The following NPFFR1 variants were observed in gnomAD, a reference collection of about 807,000 sequenced individuals.
NPFFR1 encodes the protein G-protein coupled receptor 147.
In NPFFR1, 17 loss-of-function variants were observed where a neutral mutation model predicts 12.7. The ratio of observed to expected loss-of-function variants is 1.34; its 90% CI spans 0.92 to 2.01. The LOEUF (loss-of-function observed/expected upper bound fraction) is 2.01, where lower values mean the gene tolerates loss of function less well. Among genes scored for constraint, NPFFR1 ranks in the 30% most tolerant of loss-of-function variants. The probability of loss-of-function intolerance (pLI) is 0.00; values close to 1 mark genes in which losing one functional copy is unlikely to be tolerated. For missense variants in NPFFR1, 604 were observed against 606.5 expected (o/e 1.00, Z 0.04); for synonymous variants, 296 against 264.5 (o/e 1.12, Z -1.16).
intron 1 of NPFFR1, among the ~76,000 whole-genome samples, chr10:70,272,244 G>GAAAGAAATAAAGAAAGA (rs60571634): frequency 3.1e-5 from 2 of 64,404 alleles, no homozygotes; most frequent in Non-Finnish European, 6.2e-5. Context: ...AAGAAAGAAA[G>GAAAGAAATAAAGAAAGA]AAGAAAGAAG....
At position 70,255,294 on chromosome 10, in the gene NPFFR1, A is replaced by G. The variant is rs1213733932; in HGVS notation, c.956T>C (p.Phe319Ser). The change falls in exon 4 of 4, where the codon TTC becomes TCC. Residue 319 changes from phenylalanine to serine, a missense_variant. Phe to Ser is a radical substitution (Grantham distance 155, BLOSUM62 -2). Transcript: ENST00000277942. The surrounding 1 kb of genome is among the most constrained non-coding windows in gnomAD (Gnocchi z 4.2). ...YAFPFAHWLA[F>S]FNSSANPIIY... ...GATGGGGTTGGCGCTGCTGTTGAAG[A>G]AGGCCAGCCAGTGCGCGAAGGGGAA... is the stretch of plus-strand genomic sequence containing the variant. The G allele has an allele frequency of 1.3e-6, 2 of 1,582,424 alleles. No individual in the cohort carries two copies. Among genetic ancestry groups the G allele is most frequent in the South Asian group, 1.1e-5 (1 of 87,216 alleles).
intron 1 of NPFFR1, among the ~76,000 whole-genome samples, chr10:70,281,479 C>T (rs138458022): frequency 6.6e-6 from 1 of 152,298 alleles, no homozygotes; most frequent in East Asian, 1.9e-4. Context: ...GGCATCATCT[C>T]CCAAATAGAC....
Position 70,283,743 on chromosome 10 carries a change from G to C in NPFFR1, c.-67C>G. 1.3e-6 allele frequency: 2 copies of C among 1,512,690 alleles called. No homozygotes were observed. Among genetic ancestry groups the C allele is most frequent in the Non-Finnish European group, 1.8e-6 (2 of 1,127,372 alleles). The allele number at this position is 1,512,690 out of a possible 1,614,324, so 93.7% of individuals were successfully genotyped here. A position where few individuals can be genotyped will look rare whatever the true frequency, so the allele number is the denominator to read the frequency against. On this transcript the variant is annotated 5_prime_UTR_variant, in exon 1 of 4. Coordinates refer to ENST00000277942, the MANE Select transcript of NPFFR1 (RefSeq NM_022146.5). ...AGGCAGCGGGCCCCTTCGGGCCAGC[G>C]GGCAGAGGGACGGTCTCCGGGCACT...
chr10:70,283,550 A>AG, intron 1 of NPFFR1, 120 bp downstream of exon 1: 1 of 1,006,228 alleles, frequency 9.9e-7, no homozygotes. Context: ...AGAGTGTCAC[A>AG]ACGTCTGGCT....
intron 1 of NPFFR1, among the ~76,000 whole-genome samples, chr10:70,279,306 C>G (rs1717227775): frequency 6.6e-6 from 1 of 151,158 alleles, no homozygotes; most frequent in South Asian, 2.1e-4. Flanking sequence ...ACCACCACAC[C>G]CGGCTAATTT....
chr10:70,262,994 CA>C (rs1243683570), intron 2 of NPFFR1, among the ~76,000 whole-genome samples: 4 of 152,144 alleles, frequency 2.6e-5, no homozygotes, highest in Middle Eastern at 3.4e-3. Context: ...TCTGACTCTA[CA>C]AAAACAAAAA....
chr10:70,263,285 A>G (rs35221250), intron 2 of NPFFR1, among the ~76,000 whole-genome samples: 2,405 of 152,328 alleles, frequency 0.016, 31 homozygotes, highest in Middle Eastern at 0.027. Flanking sequence ...TAAAACATGC[A>G]CACATTCACA....
intron 1 of NPFFR1, among the ~76,000 whole-genome samples, chr10:70,277,231 C>T (rs868235149): frequency 2.0e-5 from 3 of 152,234 alleles, no homozygotes; most frequent in Admixed American, 6.5e-5. Flanking sequence ...GGAAGGTCTT[C>T]AGGACAAAGC....
intron 1 of NPFFR1, among the ~76,000 whole-genome samples, chr10:70,268,067 T>A (rs776517590): frequency 1.7e-4 from 26 of 152,194 alleles, no homozygotes; most frequent in Non-Finnish European, 2.6e-4. Context: ...AGTATAAAGT[T>A]TAATGAGCTG....
At chr10:70,264,238 G>C (rs939195874) in intron 2 of NPFFR1, among the ~76,000 whole-genome samples, 76 of 152,088 alleles carry the variant, frequency 5.0e-4, no homozygotes, top group African/African-American at 1.8e-3. Flanking sequence ...GCTGGGTGTG[G>C]TGGCAGAAGC....
intron 3 of NPFFR1, among the ~76,000 whole-genome samples, chr10:70,257,811 T>C (rs575504424): frequency 7.9e-5 from 12 of 152,338 alleles, no homozygotes; most frequent in Non-Finnish European, 1.2e-4. Flanking sequence ...TGGTGGGAGG[T>C]GAGACATGTT....
intron 2 of NPFFR1, among the ~76,000 whole-genome samples, chr10:70,261,808 G>T (rs10999219): frequency 0.069 from 10,465 of 151,260 alleles, 355 homozygotes; most frequent in East Asian, 0.11. Flanking sequence ...TTGAGATAGG[G>T]TCTCGCTCTG....
intron 1 of NPFFR1, chr10:70,277,977 T>G: frequency 1.9e-6 from 1 of 519,928 alleles, no homozygotes. Context: ...GCCATTGTTT[T>G]AATCCAGCCA....
intron 1 of NPFFR1, among the ~76,000 whole-genome samples, chr10:70,276,743 A>C (rs10823507): frequency 0.32 from 49,144 of 151,534 alleles, 8,550 homozygotes; most frequent in South Asian, 0.47. Context: ...TCTACCACCA[A>C]GCCCAGCTAA....
intron 1 of NPFFR1, among the ~76,000 whole-genome samples, chr10:70,268,560 C>T (rs773993065): frequency 6.6e-6 from 1 of 152,164 alleles, no homozygotes; most frequent in Non-Finnish European, 1.5e-5. Flanking sequence ...TAGTTATCTG[C>T]TGGCTCAGCT....
At chr10:70,277,636 G>C (rs1840816833) in intron 1 of NPFFR1, among the ~76,000 whole-genome samples, 1 of 152,192 alleles carries the variant, frequency 6.6e-6, no homozygotes, top group African/African-American at 2.4e-5. Context: ...CCCACTTCCA[G>C]CCAGTGCGGG....
At chr10:70,259,351 G>T (rs544257413) in intron 3 of NPFFR1, among the ~76,000 whole-genome samples, 2 of 152,124 alleles carry the variant, frequency 1.3e-5, no homozygotes, top group South Asian at 2.1e-4. Flanking sequence ...AATTCTTAAA[G>T]CCTGTAGTGC....
At position 70,249,073 on chromosome 10, in the gene NPFFR1, C is replaced by T. The variant is rs1840483613; in HGVS notation, c.*5884G>A. 1 of 152,156 alleles carries T rather than the reference C, an allele frequency of 6.6e-6. No homozygotes were observed. The allele number at this position is 152,156 out of a possible 1,614,324, so 9.4% of individuals were successfully genotyped here. A position where few individuals can be genotyped will look rare whatever the true frequency, so the allele number is the denominator to read the frequency against. ...TCCTACTTCTATCACACTATATCCT[C>T]TTACCTTGCTTTAGACCCATTCTTA... On this transcript the variant is annotated 3_prime_UTR_variant, in exon 4 of 4. Coordinates refer to ENST00000277942, the MANE Select transcript of NPFFR1 (RefSeq NM_022146.5).
At chr10:70,266,511 T>A in intron 1 of NPFFR1, 120 bp from the exon 2 acceptor site, 1 of 770,546 alleles carries the variant, frequency 1.3e-6, no homozygotes, top group African/African-American at 1.8e-5. Flanking sequence ...CCCAAGCATG[T>A]CCCCAGCTCC....
Sources: gnomAD v4.1 joint callset for allele counts (sites outside exome capture counted in the v4.1 genomes callset) on GRCh38, gnomAD v4.1.1 for gene constraint, Gnocchi (gnomAD v3.1) non-coding constraint, MANE v1.5 for transcripts, NCBI Gene and HGNC (gene_info 2026-07-23, HGNC 2026-07-21) for gene names.